Variants in ANK2 observed in about 807,000 individuals in gnomAD.
The protein encoded by ANK2 is ankyrin 2.
ANK2 carries 83 observed loss-of-function variants against 360.5 expected under a neutral mutation model. That is an observed-to-expected ratio of 0.23 (90% CI 0.19 to 0.28). ANK2 has a LOEUF of 0.28. Ranked by LOEUF, ANK2 falls within the 10% of genes least tolerant of loss-of-function variation. ANK2 has a pLI of 1.00. For missense variants in ANK2, 4,201 were observed against 4,795.7 expected (o/e 0.88, Z 3.66); for synonymous variants, 1,740 against 1,759.5 (o/e 0.99, Z 0.28).
At chr4:112,881,917 T>G (rs2076800081) in intron 1 of ANK2, 1 of 693,442 alleles carries the variant, frequency 1.4e-6, no homozygotes, top group African/African-American at 1.7e-5. Context: ...CCATCCACCT[T>G]GTGTGGCTTT....
intron 1 of ANK2, among the ~76,000 whole-genome samples, chr4:113,124,005 CA>C (rs2095520466): frequency 6.6e-6 from 1 of 152,076 alleles, no homozygotes; most frequent in Non-Finnish European, 1.5e-5. Context: ...AGATAAGTTG[CA>C]AGACTTCATG....
intron 23 of ANK2, among the ~76,000 whole-genome samples, chr4:113,307,341 G>C (rs1216477985): frequency 6.6e-6 from 1 of 151,786 alleles, no homozygotes; most frequent in African/African-American, 2.4e-5. Context: ...AGAGGGAGTG[G>C]GTTCCGTAAC....
chr4:113,134,686 A>G (rs2096283728), intron 1 of ANK2, among the ~76,000 whole-genome samples: 1 of 152,200 alleles, frequency 6.6e-6, no homozygotes, highest in Non-Finnish European at 1.5e-5. Context: ...TTAAAATGTC[A>G]GTGGTTAATG....
intron 1 of ANK2, among the ~76,000 whole-genome samples, chr4:113,138,770 G>C (rs1308757901): frequency 6.6e-6 from 1 of 152,190 alleles, no homozygotes; most frequent in Non-Finnish European, 1.5e-5. Flanking sequence ...TTAAATCCAT[G>C]TGTTGAAGCC....
intron 1 of ANK2, chr4:113,152,510 T>A (rs550115373): frequency 2.0e-5 from 3 of 152,358 alleles, no homozygotes; most frequent in Non-Finnish European, 4.4e-5. Context: ...TTAGGCATAT[T>A]ATATCACATT....
intron 1 of ANK2, among the ~76,000 whole-genome samples, chr4:113,165,276 A>C (rs144914059): frequency 6.6e-6 from 1 of 152,324 alleles, no homozygotes; most frequent in African/African-American, 2.4e-5. Context: ...GAGATCCTAA[A>C]GCAATAATTG....
At chr4:112,870,385 G>A (rs2072513295) in intron 1 of ANK2, among the ~76,000 whole-genome samples, 1 of 152,138 alleles carries the variant, frequency 6.6e-6, no homozygotes, top group East Asian at 1.9e-4. Flanking sequence ...GCCTAGTTCA[G>A]GCCATGAAGT....
At chr4:113,326,942 T>G (rs926674758) in intron 26 of ANK2, among the ~76,000 whole-genome samples, 1 of 152,164 alleles carries the variant, frequency 6.6e-6, no homozygotes, top group African/African-American at 2.4e-5. Flanking sequence ...AGGTCAAGGT[T>G]ACGGTGTGCT....
intron 43 of ANK2, among the ~76,000 whole-genome samples, chr4:113,372,130 A>G (rs2096760083): frequency 6.6e-6 from 1 of 152,172 alleles, no homozygotes; most frequent in Non-Finnish European, 1.5e-5. Context: ...CTTTGGGTGA[A>G]TAATTCCAAG....
chr4:112,811,101 AT>A, the ANK2 span, among the ~76,000 whole-genome samples: 10 of 149,972 alleles, frequency 6.7e-5, no homozygotes, highest in East Asian at 2.0e-3. Context: ...ATGCCCGCTA[AT>A]TTTTTTTTGT....
chr4:113,149,781 TG>T (rs2096967810), intron 1 of ANK2, among the ~76,000 whole-genome samples: 1 of 135,426 alleles, frequency 7.4e-6, no homozygotes, highest in Admixed American at 8.4e-5. Context: ...GAGGCTGAGG[TG>T]GGAGGATCAC....
At chr4:113,252,653 G>A (rs1286744320) in intron 10 of ANK2, among the ~76,000 whole-genome samples, 3 of 152,094 alleles carry the variant, frequency 2.0e-5, no homozygotes, top group South Asian at 2.1e-4. Context: ...CCCCAATTCC[G>A]AAATTCTTTT....
At chr4:113,281,442 A>T (rs771212925) in intron 17 of ANK2, among the ~76,000 whole-genome samples, 23 of 152,108 alleles carry the variant, frequency 1.5e-4, no homozygotes, top group Admixed American at 3.9e-4. Flanking sequence ...TAGGATGCTG[A>T]GGTGGGAGGA....
chr4:113,172,552 A>G (rs1053167803), intron 1 of ANK2, among the ~76,000 whole-genome samples: 1 of 152,184 alleles, frequency 6.6e-6, no homozygotes, highest in African/African-American at 2.4e-5. Flanking sequence ...GTGATATAAT[A>G]CATGTGACTC....
chr4:113,135,135 G>C (rs2096313395), intron 1 of ANK2, among the ~76,000 whole-genome samples: 1 of 151,900 alleles, frequency 6.6e-6, no homozygotes, highest in African/African-American at 2.4e-5. Flanking sequence ...TAACTGTGGG[G>C]TGTTTTTGCA....
chr4:113,207,139 TA>T (rs2098961374), intron 4 of ANK2, among the ~76,000 whole-genome samples: 1 of 152,136 alleles, frequency 6.6e-6, no homozygotes. Context: ...TCCCACATCC[TA>T]AAAGACAATA....
At position 113,261,185 on chromosome 4, in the gene ANK2, AT is replaced by A. The variant is rs554555819; in HGVS notation, c.1386+2784del. On this transcript the variant is annotated intron_variant, in intron 13 of 45. Coordinates refer to ENST00000357077, the MANE Select transcript of ANK2 (RefSeq NM_001148.6). Reference sequence around the variant, plus strand: ...ACCAGTAACTCAATCACGTATAGACATTTTTTTTTTAACTGAAAATCTCCTT... The same window carrying A: ...ACCAGTAACTCAATCACGTATAGACATTTTTTTTTAACTGAAAATCTCCTT... 2.4e-3 allele frequency among the ~76,000 whole-genome samples: 362 copies of A among 149,486 alleles called. 3 individuals carry two copies. The highest frequency in any genetic ancestry group is 3.8e-3 in the South Asian group (18 of 4,732).
At chr4:113,260,901 C>T (rs534882327) in intron 13 of ANK2, among the ~76,000 whole-genome samples, 30 of 152,284 alleles carry the variant, frequency 2.0e-4, no homozygotes, top group African/African-American at 6.7e-4. Flanking sequence ...CACTTCCTGA[C>T]CCTAAAACAC....
At chr4:113,292,734 C>T (rs927062370) in intron 21 of ANK2, among the ~76,000 whole-genome samples, 1 of 152,130 alleles carries the variant, frequency 6.6e-6, no homozygotes. Flanking sequence ...GACTCTTTGG[C>T]TCTCTCTGGA....
Sources: allele counts gnomAD v4.1 joint callset (sites outside exome capture counted in the v4.1 genomes callset), GRCh38; gene constraint gnomAD v4.1.1; transcripts MANE v1.5; gene names NCBI Gene and HGNC (gene_info 2026-07-23, HGNC 2026-07-21).